The following KIRREL3 variants were observed in gnomAD, a reference collection of about 807,000 sequenced individuals.
KIRREL3 encodes kin of IRRE-like protein 3.
A neutral mutation model predicts 89.7 loss-of-function variants in KIRREL3; 36 were observed. That is an observed-to-expected ratio of 0.40 (90% CI 0.31 to 0.53). The LOEUF is 0.53. Ranked by LOEUF, KIRREL3 falls within the 20% of genes least tolerant of loss-of-function variation. The pLI is 0.49. For missense variants in KIRREL3, 864 were observed against 1,056.6 expected (o/e 0.82, Z 2.53); for synonymous variants, 445 against 441.4 (o/e 1.01, Z -0.10).
At chr11:126,649,474 G>C (rs1944824718) in intron 1 of KIRREL3, among the ~76,000 whole-genome samples, 1 of 152,200 alleles carries the variant, frequency 6.6e-6, no homozygotes, top group Non-Finnish European at 1.5e-5. Context: ...TACAGGTATT[G>C]GGTAAATACA....
rs1168540037 is a variant in KIRREL3 at position 126,459,425 on chromosome 11, C to T, written c.743-2971G>A. On this transcript the variant is annotated intron_variant, in intron 6 of 16. Transcript: ENST00000525144. This position sits in a 1 kb window ranked among gnomAD's most constrained non-coding sequence, Gnocchi z 4.8. ...GGTGATCACCTGCCCCGAAGCGATT[C>T]ACAAGGGTTCCACACTCACTGGCCA... Among the ~76,000 whole-genome samples, 2 of 152,286 alleles carry T rather than the reference C, an allele frequency of 1.3e-5. No individual in the cohort carries two copies. The highest frequency in any genetic ancestry group is 3.9e-4 in the East Asian group (2 of 5,178).
chr11:126,740,250 T>C lies in KIRREL3; in HGVS notation c.56-177338A>G, dbSNP rs2134216895. Among the ~76,000 whole-genome samples the C allele has an allele frequency of 6.6e-6, 1 of 152,302 alleles. No homozygotes were observed. The highest frequency in any genetic ancestry group is 2.1e-4 in the South Asian group (1 of 4,822). The stretch of plus-strand genomic sequence containing the variant: ...GTAATAAAGGCTATAGTGGGGGAGT[T>C]CTACGGTGATTAATGGAAGAAAATG... On this transcript the variant is annotated intron_variant, in intron 1 of 16. Coordinates refer to ENST00000525144, the MANE Select transcript of KIRREL3 (RefSeq NM_032531.4). This position sits in a 1 kb window ranked among gnomAD's most constrained non-coding sequence, Gnocchi z 6.0.
chr11:126,591,968 C>T (rs1452971215), intron 1 of KIRREL3, among the ~76,000 whole-genome samples: 1 of 152,194 alleles, frequency 6.6e-6, no homozygotes, highest in Non-Finnish European at 1.5e-5. Flanking sequence ...GGGCCAACAG[C>T]TCCCACCCCT....
At chr11:126,792,099 C>T (rs564531037) in intron 1 of KIRREL3, among the ~76,000 whole-genome samples, 95 of 152,178 alleles carry the variant, frequency 6.2e-4, no homozygotes, top group African/African-American at 1.9e-3. Context: ...AGAATGTTAA[C>T]GATGGGAGGC....
In KIRREL3 at chr11:126,807,733, T is replaced by C. The variant is rs897941330; in HGVS notation, c.55+192722A>G. ...ACCCATTTCTAGGAGGCTTCTGAGA[T>C]TCTTCTACATGTCTACTCTGATGTG... is the stretch of plus-strand genomic sequence containing the variant. On this transcript the variant is annotated intron_variant, in intron 1 of 16. Coordinates refer to ENST00000525144, the MANE Select transcript of KIRREL3 (RefSeq NM_032531.4). The surrounding 1 kb of genome is among the most constrained non-coding windows in gnomAD (Gnocchi z 4.3). Among the ~76,000 whole-genome samples, 4 of 152,184 alleles carry C rather than the reference T, an allele frequency of 2.6e-5. No individual in the cohort carries two copies. The highest frequency in any genetic ancestry group is 4.4e-5 in the Non-Finnish European group (3 of 68,018).
rs766295834 is a variant in KIRREL3, at chr11:126,523,720, C to T, written c.284-2256G>A. Among the ~76,000 whole-genome samples, 4 of 152,200 alleles carry T rather than the reference C, an allele frequency of 2.6e-5. No homozygotes were observed. The highest frequency in any genetic ancestry group is 1.9e-4 in the East Asian group (1 of 5,192). Reference sequence around the variant, plus strand: ...TCTAGCCCAATCCTCTCCCTGCTGCCGCTGCCTTCCTTGTAGCTGGCTGGC... The same window carrying T: ...TCTAGCCCAATCCTCTCCCTGCTGCTGCTGCCTTCCTTGTAGCTGGCTGGC... On this transcript the variant is annotated intron_variant, in intron 3 of 16. Coordinates refer to ENST00000525144, the MANE Select transcript of KIRREL3 (RefSeq NM_032531.4). This position sits in a 1 kb window ranked among gnomAD's most constrained non-coding sequence, Gnocchi z 4.9.
chr11:126,435,880 T>G (rs904194100), intron 12 of KIRREL3, among the ~76,000 whole-genome samples: 1 of 152,054 alleles, frequency 6.6e-6, no homozygotes, highest in African/African-American at 2.4e-5. Context: ...TGAGGCCTCC[T>G]GGGCCTCAGA....
Position 126,643,905 on chromosome 11 carries a change from T to C in KIRREL3, c.56-80993A>G, listed in dbSNP as rs977968422. On this transcript the variant is annotated intron_variant, in intron 1 of 16. Coordinates refer to ENST00000525144, the MANE Select transcript of KIRREL3 (RefSeq NM_032531.4). The surrounding 1 kb of genome is among the most constrained non-coding windows in gnomAD (Gnocchi z 4.5). Reference sequence around the variant, plus strand: ...GAATTGAAAAGATCATGATGTCAACTCTAGCTCGAGAACACAGAGAAAAGG... The same window carrying C: ...GAATTGAAAAGATCATGATGTCAACCCTAGCTCGAGAACACAGAGAAAAGG... 6.6e-6 allele frequency among the ~76,000 whole-genome samples: 1 copy of C among 152,166 alleles called. No individual in the cohort carries two copies. Among genetic ancestry groups the C allele is most frequent in the Non-Finnish European group, 1.5e-5 (1 of 68,032 alleles).
rs978419902 is a variant in KIRREL3, at chr11:126,908,119, C to T, written c.55+92336G>A. On this transcript the variant is annotated intron_variant, in intron 1 of 16. Coordinates refer to ENST00000525144, the MANE Select transcript of KIRREL3 (RefSeq NM_032531.4). The surrounding 1 kb of genome is among the most constrained non-coding windows in gnomAD (Gnocchi z 4.2). ...TTATGTATGTTGTTTATGATCCTGC[C>T]CCCTCCCGTCAGAATGCAAGTCCTA... Among the ~76,000 whole-genome samples the T allele has an allele frequency of 3.9e-5, 6 of 152,088 alleles. No homozygotes were observed. In the East Asian group the frequency reaches 9.6e-4, roughly 24 times the overall value.
At chr11:126,503,576 A>G (rs1040984404) in intron 4 of KIRREL3, among the ~76,000 whole-genome samples, 1 of 152,150 alleles carries the variant, frequency 6.6e-6, no homozygotes, top group African/African-American at 2.4e-5. Context: ...TTTCCTAAAA[A>G]CAAAGAGGTG....
At chr11:126,585,543 C>A (rs1348124771) in intron 1 of KIRREL3, among the ~76,000 whole-genome samples, 3 of 152,202 alleles carry the variant, frequency 2.0e-5, no homozygotes, top group Admixed American at 6.5e-5. Context: ...CAGGAATTAA[C>A]CTTCACCAGG....
intron 1 of KIRREL3, among the ~76,000 whole-genome samples, chr11:126,915,934 T>C (rs949111030): frequency 2.6e-5 from 4 of 152,202 alleles, no homozygotes; most frequent in African/African-American, 9.6e-5. Flanking sequence ...ATAGGCTTCA[T>C]GACAGCAGGG....
chr11:126,525,478 T>C lies in KIRREL3; in HGVS notation c.283+1060A>G, dbSNP rs760470387. On this transcript the variant is annotated intron_variant, in intron 3 of 16. Coordinates refer to ENST00000525144, the MANE Select transcript of KIRREL3 (RefSeq NM_032531.4). The surrounding 1 kb of genome is among the most constrained non-coding windows in gnomAD (Gnocchi z 5.4). ...CAGCGTTCAAACCTCGTGCCTGCTATTGACCATTGCTATAATGTTTCAATA... is the reference window on the plus strand; with the variant it reads ...CAGCGTTCAAACCTCGTGCCTGCTACTGACCATTGCTATAATGTTTCAATA... Among the ~76,000 whole-genome samples the C allele has an allele frequency of 2.0e-5, 3 of 152,254 alleles. No homozygotes were observed. Among genetic ancestry groups the C allele is most frequent in the Non-Finnish European group, 2.9e-5 (2 of 68,048 alleles).
In KIRREL3 at chr11:126,768,278, T is replaced by C. The variant is rs1048025509; in HGVS notation, c.56-205366A>G. The stretch of plus-strand genomic sequence containing the variant: ...TGCATCCACCCATCCATCCATCCAT[T>C]CATCCATCCATCCATCCATCCATCC... On this transcript the variant is annotated intron_variant, in intron 1 of 16. Transcript: ENST00000525144. The surrounding 1 kb of genome is among the most constrained non-coding windows in gnomAD (Gnocchi z 4.5). Among the ~76,000 whole-genome samples the C allele has an allele frequency of 2.3e-4, 31 of 135,722 alleles. No individual in the cohort carries two copies. The highest frequency in any genetic ancestry group is 1.5e-3 in the East Asian group (7 of 4,584). 89.0% of individuals were successfully genotyped at this position (135,722 alleles called of 152,430 possible).
Position 126,624,258 on chromosome 11 carries a change from T to C in KIRREL3, c.56-61346A>G, listed in dbSNP as rs377163346. 6.6e-6 allele frequency among the ~76,000 whole-genome samples: 1 copy of C among 152,160 alleles called. No homozygotes were observed. The highest frequency in any genetic ancestry group is 1.5e-5 in the Non-Finnish European group (1 of 68,032). Reference sequence around the variant, plus strand: ...AGATAGGAGGATCAGAGAATGGTGATAAGTTTGTACAGGTGGGATCATCAG... The same window carrying C: ...AGATAGGAGGATCAGAGAATGGTGACAAGTTTGTACAGGTGGGATCATCAG... On this transcript the variant is annotated intron_variant, in intron 1 of 16. Transcript: ENST00000525144. The surrounding 1 kb of genome is among the most constrained non-coding windows in gnomAD (Gnocchi z 6.0).
At position 126,791,697 on chromosome 11, in the gene KIRREL3, A is replaced by T. The variant is rs909997149; in HGVS notation, c.55+208758T>A. Among the ~76,000 whole-genome samples the T allele has an allele frequency of 2.0e-5, 3 of 152,176 alleles. No homozygotes were observed. The highest frequency in any genetic ancestry group is 7.2e-5 in the African/African-American group (3 of 41,454). On this transcript the variant is annotated intron_variant, in intron 1 of 16. Coordinates refer to ENST00000525144, the MANE Select transcript of KIRREL3 (RefSeq NM_032531.4). This position sits in a 1 kb window ranked among gnomAD's most constrained non-coding sequence, Gnocchi z 4.8. ...ATTCCCATGGCCAGGCCAGGTGTGAATGAGTCTGAGCCCAGTGAAAGAGGG... is the reference window on the plus strand; with the variant it reads ...ATTCCCATGGCCAGGCCAGGTGTGATTGAGTCTGAGCCCAGTGAAAGAGGG...
At position 126,463,101 on chromosome 11, in the gene KIRREL3, G is replaced by C. The variant is rs1359135313; in HGVS notation, c.742+56C>G. 6.4e-7 allele frequency: 1 copy of C among 1,561,894 alleles called. No individual in the cohort carries two copies. Among genetic ancestry groups the C allele is most frequent in the East Asian group, 2.2e-5 (1 of 44,464 alleles). ...GGGCCAGGCTATGGTCAGGGTTGCT[G>C]GGTGTTTCACCCTGGGCCTGGCAGG... On this transcript the variant is annotated intron_variant, in intron 6 of 16. Coordinates refer to ENST00000525144, the MANE Select transcript of KIRREL3 (RefSeq NM_032531.4). The surrounding 1 kb of genome is among the most constrained non-coding windows in gnomAD (Gnocchi z 5.9).
In KIRREL3 at chr11:126,485,094, C is replaced by T. The variant is rs1468245617; in HGVS notation, c.434-11628G>A. ...CTTAGCCTCCAAAGTGCTGGGATTA[C>T]AGCTGTGAGCCACTGCGCCCGGCCA... On this transcript the variant is annotated intron_variant, in intron 4 of 16. Coordinates refer to ENST00000525144, the MANE Select transcript of KIRREL3 (RefSeq NM_032531.4). The surrounding 1 kb of genome is among the most constrained non-coding windows in gnomAD (Gnocchi z 5.8). 1.3e-5 allele frequency among the ~76,000 whole-genome samples: 2 copies of T among 152,134 alleles called. No individual in the cohort carries two copies. Among genetic ancestry groups the T allele is most frequent in the African/African-American group, 2.4e-5 (1 of 41,436 alleles).
At position 126,795,333 on chromosome 11, in the gene KIRREL3, G is replaced by A. The variant is rs1463033407; in HGVS notation, c.55+205122C>T. Reference sequence around the variant, plus strand: ...AATAATGGGGGAAACTCAGGGCAGAGGTTGGGAGGGAGAGGACGTACATAT... The same window carrying A: ...AATAATGGGGGAAACTCAGGGCAGAAGTTGGGAGGGAGAGGACGTACATAT... On this transcript the variant is annotated intron_variant, in intron 1 of 16. Coordinates refer to ENST00000525144, the MANE Select transcript of KIRREL3 (RefSeq NM_032531.4). This position sits in a 1 kb window ranked among gnomAD's most constrained non-coding sequence, Gnocchi z 4.1. 6.6e-6 allele frequency among the ~76,000 whole-genome samples: 1 copy of A among 152,172 alleles called. No individual in the cohort carries two copies. The highest frequency in any genetic ancestry group is 1.9e-4 in the East Asian group (1 of 5,192).
Sources: gnomAD v4.1 joint callset for allele counts (sites outside exome capture counted in the v4.1 genomes callset) on GRCh38, gnomAD v4.1.1 for gene constraint, Gnocchi (gnomAD v3.1) non-coding constraint, MANE v1.5 for transcripts, NCBI Gene and HGNC (gene_info 2026-07-23, HGNC 2026-07-21) for gene names.